The following FMNL1 variants were observed in gnomAD, a reference collection of about 807,000 sequenced individuals.
FMNL1 encodes formin-like protein 1.
Under a neutral mutation model 121.3 loss-of-function variants are expected in FMNL1, and 43 were observed. The observed-to-expected ratio is 0.35, with a 90% CI of 0.28 to 0.46. FMNL1 has a LOEUF of 0.46. Ranked by LOEUF, FMNL1 falls within the 20% of genes least tolerant of loss-of-function variation. The pLI is 1.00. For synonymous variants in FMNL1, 613 were observed against 613.5 expected (o/e 1.00, Z 0.01); for missense variants, 1,191 against 1,482.4 (o/e 0.80, Z 3.23).
At position 45,237,367 on chromosome 17, in the gene FMNL1, A is replaced by G. The variant is rs2043573483; in HGVS notation, c.800+10A>G. ...ACAACAAGAACCCCAGGTGAGGTCC[A>G]GGCCCCAAACCTTTCTCCGTATCTA... On this transcript the variant is annotated intron_variant, in intron 8 of 26. Coordinates refer to ENST00000331495, the MANE Select transcript of FMNL1 (RefSeq NM_005892.4). The surrounding 1 kb of genome is among the most constrained non-coding windows in gnomAD (Gnocchi z 4.4). The G allele has an allele frequency of 6.2e-7, 1 of 1,614,148 alleles. No individual in the cohort carries two copies. Among genetic ancestry groups the G allele is most frequent in the Non-Finnish European group, 8.5e-7 (1 of 1,180,008 alleles).
Position 45,244,171 on chromosome 17 carries a change from C to A in FMNL1, c.2449-5C>A. 1 of 1,612,954 alleles carries A rather than the reference C, an allele frequency of 6.2e-7. No individual in the cohort carries two copies. The highest frequency in any genetic ancestry group is 8.5e-7 in the Non-Finnish European group (1 of 1,179,572). ...CTTATCTTACCTCCCCCATCCCACC[C>A]CCAGCAACTGAATGCCATCATTGCA... is the stretch of plus-strand genomic sequence containing the variant. On this transcript the variant is annotated splice_region_variant and splice_polypyrimidine_tract_variant and intron_variant, in intron 18 of 26. Transcript: ENST00000331495.
chr17:45,233,581 C>T lies in FMNL1; in HGVS notation c.402-67C>T. The T allele has an allele frequency of 1.3e-6, 2 of 1,585,740 alleles. No homozygotes were observed. The highest frequency in any genetic ancestry group is 1.7e-6 in the Non-Finnish European group (2 of 1,156,410). ...GGCACCCCAGGGGTCCTTGCTGTCC[C>T]TGTTCTGTGCCCATGTGGGGCAGGA... On this transcript the variant is annotated intron_variant, in intron 4 of 26. Transcript: ENST00000331495. The surrounding 1 kb of genome is among the most constrained non-coding windows in gnomAD (Gnocchi z 4.1).
rs888079940 is a variant in FMNL1, at chr17:45,241,294, G to C, written c.1332+64G>C. On this transcript the variant is annotated intron_variant, in intron 13 of 26. Coordinates refer to ENST00000331495, the MANE Select transcript of FMNL1 (RefSeq NM_005892.4). This position sits in a 1 kb window ranked among gnomAD's most constrained non-coding sequence, Gnocchi z 7.0. Reference sequence around the variant, plus strand: ...CAGGCCAGCTGAGGCTTCTAGGCTTGACATCTCCCTCCACCCCGGGAAGAA... The same window carrying C: ...CAGGCCAGCTGAGGCTTCTAGGCTTCACATCTCCCTCCACCCCGGGAAGAA... The C allele has an allele frequency of 1.1e-5, 18 of 1,609,718 alleles. No individual in the cohort carries two copies. Among genetic ancestry groups the C allele is most frequent in the African/African-American group, 1.3e-5 (1 of 74,768 alleles).
intron 6 of FMNL1, chr17:45,234,803 TC>T (rs1295447968): frequency 1.3e-5 from 2 of 155,464 alleles, no homozygotes; most frequent in African/African-American, 4.8e-5. Context: ...ATGCATCTAA[TC>T]CCCTGTTTTC....
chr17:45,244,009 C>G lies in FMNL1; in HGVS notation c.2432C>G (p.Ala811Gly). The part of the protein sequence containing the change: ...LTFLGNFPDT[A>G]QLLMPQLNAI... ...TTCCTGGGCAACTTCCCGGACACAG[C>G]CCAGCTGCTCATGCCGGTGTGGGCG... Residue 811 changes from alanine to glycine, a missense_variant, in exon 18 of 27, where the codon GCC becomes GGC. Coordinates refer to ENST00000331495, the MANE Select transcript of FMNL1 (RefSeq NM_005892.4). The G allele has an allele frequency of 6.2e-7, 1 of 1,609,672 alleles. No homozygotes were observed. The highest frequency in any genetic ancestry group is 1.1e-5 in the South Asian group (1 of 90,970).
At chr17:45,246,472 C>G (rs1035607830) in intron 25 of FMNL1, 33 bp from the exon 26 acceptor site, 12 of 1,613,848 alleles carry the variant, frequency 7.4e-6, no homozygotes, top group Non-Finnish European at 9.3e-6. Context: ...TTTCCTTTCT[C>G]TACTCCCCTT....
chr17:45,223,509 G>A (rs2043270582), intron 1 of FMNL1, among the ~76,000 whole-genome samples: 1 of 152,194 alleles, frequency 6.6e-6, no homozygotes, highest in Non-Finnish European at 1.5e-5. Context: ...TCCTTGTGAA[G>A]ACACCTTGCT....
rs2043662190 is a variant in FMNL1, at chr17:45,240,467, G to A, written c.1081-9G>A. The A allele has an allele frequency of 6.2e-7, 1 of 1,606,036 alleles. No individual in the cohort carries two copies. The highest frequency in any genetic ancestry group is 1.7e-5 in the Admixed American group (1 of 59,006). ...AGGCCTCACCCCACTCCTTCCATCTGGGGGACAGAGGCTTCGGCTCACCGA... is the reference window on the plus strand; with the variant it reads ...AGGCCTCACCCCACTCCTTCCATCTAGGGGACAGAGGCTTCGGCTCACCGA... On this transcript the variant is annotated splice_polypyrimidine_tract_variant and intron_variant, in intron 11 of 26. Transcript: ENST00000331495.
Position 45,241,572 on chromosome 17 carries a change from T to G in FMNL1, c.1523T>G (p.Val508Gly). 1 of 1,566,818 alleles carries G rather than the reference T, an allele frequency of 6.4e-7. No individual in the cohort carries two copies. Among genetic ancestry groups the G allele is most frequent in the Non-Finnish European group, 8.7e-7 (1 of 1,155,662 alleles). ...TCCATCGAGATCCTCCCCGTCGCTG[T>G]GGCAACTCCGAGCGGCGGTGATGCT... ...AVSIEILPVA[V>G]ATPSGGDAPT... is the part of the protein sequence containing the mutation. Residue 508 changes from valine (V) to glycine (G), a missense_variant, in exon 14 of 27, where the codon GTG becomes GGG. Coordinates refer to ENST00000331495, the MANE Select transcript of FMNL1 (RefSeq NM_005892.4). This position sits in a 1 kb window ranked among gnomAD's most constrained non-coding sequence, Gnocchi z 7.0.
chr17:45,235,342 G>C (rs2043528028), intron 6 of FMNL1, among the ~76,000 whole-genome samples: 1 of 152,202 alleles, frequency 6.6e-6, no homozygotes, highest in Admixed American at 6.5e-5. Context: ...CGCTGGAACT[G>C]TGTCTTACAG....
Position 45,237,648 on chromosome 17 carries a change from G to A in FMNL1, c.894+9G>A, listed in dbSNP as rs187691525. 90 of 1,613,914 alleles carry A rather than the reference G, an allele frequency of 5.6e-5. 1 individual carries two copies. In the Admixed American group the frequency reaches 1.0e-3, roughly 19 times the overall value. On this transcript the variant is annotated intron_variant, in intron 9 of 26. Coordinates refer to ENST00000331495, the MANE Select transcript of FMNL1 (RefSeq NM_005892.4). The surrounding 1 kb of genome is among the most constrained non-coding windows in gnomAD (Gnocchi z 4.4). Reference sequence around the variant, plus strand: ...TTGACAACTTCAAGGAGGTACCGGAGTCCCTCACCCAAACATGCATTTCCC... The same window carrying A: ...TTGACAACTTCAAGGAGGTACCGGAATCCCTCACCCAAACATGCATTTCCC...
Position 45,239,058 on chromosome 17 carries a change from A to C in FMNL1, c.1073A>C (p.Tyr358Ser). The change falls in exon 11 of 27, where the codon TAC becomes TCC. Residue 358 changes from tyrosine to serine, a missense_variant. By Grantham distance (144) the Tyr-to-Ser change is moderately radical. This residue lies in a region of FMNL1 where 519 missense variants were observed against 492.8 expected (regional missense o/e 1.05). Coordinates refer to ENST00000331495, the MANE Select transcript of FMNL1 (RefSeq NM_005892.4). Reference protein sequence around the residue: ...YEFTHLGLDLYLERLRLTESD... With the variant: ...YEFTHLGLDLSLERLRLTESD... ...TTCACCCACTTGGGCCTGGACCTGTACTTGGAGGTAAGCCCTGTACTGCCC... is the reference window on the plus strand; with the variant it reads ...TTCACCCACTTGGGCCTGGACCTGTCCTTGGAGGTAAGCCCTGTACTGCCC... 1 of 1,613,802 alleles carries C rather than the reference A, an allele frequency of 6.2e-7. No individual in the cohort carries two copies. Among genetic ancestry groups the C allele is most frequent in the Non-Finnish European group, 8.5e-7 (1 of 1,179,670 alleles).
rs2043472637 is a variant in FMNL1 at position 45,233,042 on chromosome 17, A to G, written c.328-182A>G. 1 of 691,068 alleles carries G rather than the reference A, an allele frequency of 1.4e-6. No homozygotes were observed. The highest frequency in any genetic ancestry group is 2.6e-6 in the Non-Finnish European group (1 of 379,440). The allele number at this position is 691,068 out of a possible 1,614,324, so 42.8% of individuals were successfully genotyped here. On this transcript the variant is annotated intron_variant, in intron 3 of 26. Coordinates refer to ENST00000331495, the MANE Select transcript of FMNL1 (RefSeq NM_005892.4). This position sits in a 1 kb window ranked among gnomAD's most constrained non-coding sequence, Gnocchi z 4.1. The stretch of plus-strand genomic sequence containing the variant: ...TGCTTGTCTATGTATGGGGGAGCAC[A>G]TGTAGCCTGTGAGTTCTTATTCTGC...
intron 12 of FMNL1, 76 bp downstream of exon 12, chr17:45,240,701 T>C: frequency 6.6e-7 from 1 of 1,521,678 alleles, no homozygotes; most frequent in Non-Finnish European, 8.8e-7. Context: ...CACGCAAGCA[T>C]GGGCACTGGG....
intron 2 of FMNL1, 77 bp from the exon 3 acceptor site, chr17:45,232,290 A>G (rs1470810307): frequency 2.4e-5 from 32 of 1,310,442 alleles, no homozygotes; most frequent in Non-Finnish European, 3.4e-5. Flanking sequence ...TGAGAATGGG[A>G]CACTGGGACG....
In FMNL1 at chr17:45,232,397, G is replaced by A; in HGVS notation, c.244G>A (p.Ala82Thr). 1 of 1,613,798 alleles carries A rather than the reference G, an allele frequency of 6.2e-7. No individual in the cohort carries two copies. Among genetic ancestry groups the A allele is most frequent in the Non-Finnish European group, 8.5e-7 (1 of 1,179,882 alleles). Residue 82 changes from alanine to threonine, a missense_variant, in exon 3 of 27, where the codon GCC (alanine) becomes ACC (threonine). Physicochemically the swap from Ala to Thr is moderately conservative, Grantham distance 58. This residue lies in a region of FMNL1 where 253 missense variants were observed against 417.5 expected (regional missense o/e 0.61). Coordinates refer to ENST00000331495, the MANE Select transcript of FMNL1 (RefSeq NM_005892.4). ...ERFQVKNPPA[A>T]YIQKLKSYVD... ...GTTTCAAGTCAAGAATCCCCCCGCAGCCTACATCCAGAAGCTGAAGAGCTA... is the reference window on the plus strand; with the variant it reads ...GTTTCAAGTCAAGAATCCCCCCGCAACCTACATCCAGAAGCTGAAGAGCTA...
In FMNL1 at chr17:45,231,911, G is replaced by T. The variant is rs1350140424; in HGVS notation, c.214-456G>T. Among the ~76,000 whole-genome samples the T allele has an allele frequency of 6.6e-6, 1 of 152,204 alleles. No homozygotes were observed. The highest frequency in any genetic ancestry group is 1.5e-5 in the Non-Finnish European group (1 of 68,028). ...TTCCCACCCCAGGGCGGGGCCTACG[G>T]CAGGACTGACCCCTGCATAGTCCAC... On this transcript the variant is annotated intron_variant, in intron 2 of 26. Transcript: ENST00000331495. The surrounding 1 kb of genome is among the most constrained non-coding windows in gnomAD (Gnocchi z 4.7).
intron 19 of FMNL1, among the ~76,000 whole-genome samples, 169 bp downstream of exon 19, chr17:45,244,413 C>A (rs994303505): frequency 3.3e-5 from 5 of 152,198 alleles, no homozygotes; most frequent in African/African-American, 1.2e-4. Flanking sequence ...GTACAGCAGC[C>A]GTGTCTGTAG....
intron 26 of FMNL1, 84 bp from the exon 27 acceptor site, chr17:45,246,783 G>A (rs1368810175): frequency 8.4e-6 from 6 of 714,842 alleles, no homozygotes; most frequent in Non-Finnish European, 1.5e-5. Context: ...TGAGTCCTTA[G>A]GAGGCTAAGC....
Sources: gnomAD v4.1 joint callset for allele counts (sites outside exome capture counted in the v4.1 genomes callset) on GRCh38, gnomAD v4.1.1 for gene constraint, gnomAD v4.1.1 regional missense constraint, Gnocchi (gnomAD v3.1) non-coding constraint, MANE v1.5 for transcripts, NCBI Gene and HGNC (gene_info 2026-07-23, HGNC 2026-07-21) for gene names.